EYS: variants seen among roughly 807,000 people sequenced by gnomAD.
The protein encoded by EYS is EGF-like photoreceptor maintenance factor, also known as protein eyes shut homolog.
A neutral mutation model predicts 282.1 loss-of-function variants in EYS; 250 were observed. That is an observed-to-expected ratio of 0.89 (90% CI 0.80 to 0.98). The LOEUF (loss-of-function observed/expected upper bound fraction) is 0.98, where lower values mean the gene tolerates loss of function less well. Among genes scored for constraint, EYS ranks in the 50% least tolerant of loss-of-function variants. The pLI is 0.00. For missense variants in EYS, 4,016 were observed against 3,709.0 expected (o/e 1.08, Z -2.15); for synonymous variants, 1,355 against 1,282.9 (o/e 1.06, Z -1.20).
In EYS at chr6:63,720,599, T is replaced by C. The variant is rs1004373312; in HGVS notation, c.9432A>G (p.Thr3144=). 2.0e-5 allele frequency: 29 copies of C among 1,472,372 alleles called. No individual in the cohort carries two copies. The highest frequency in any genetic ancestry group is 2.5e-5 in the Non-Finnish European group (28 of 1,107,200). 91.2% of individuals were successfully genotyped at this position (1,472,372 alleles called of 1,614,324 possible). A position where few individuals can be genotyped will look rare whatever the true frequency, so the allele number is the denominator to read the frequency against. ...VYDGDEQNEV[T] ...TACTAAAATCTCTAGTGTTAACTTATGTAACCTCATTTTGTTCATCTCCAT... is the reference window on the plus strand; with the variant it reads ...TACTAAAATCTCTAGTGTTAACTTACGTAACCTCATTTTGTTCATCTCCAT... The change falls in exon 43 of 43, where the codon ACA becomes ACG. Residue 3144 remains threonine (T), a synonymous_variant. Transcript: ENST00000503581.
chr6:65,319,204 CAAAAAAA>C (rs55687610), intron 11 of EYS, among the ~76,000 whole-genome samples: 1 of 44,396 alleles, frequency 2.3e-5, no homozygotes, highest in African/African-American at 8.8e-5. Flanking sequence ...ACTAAAAATG[CAAAAAAA>C]AAAAAAAAAA....
At chr6:64,894,397 G>T (rs566618972) in intron 18 of EYS, among the ~76,000 whole-genome samples, 3 of 152,252 alleles carry the variant, frequency 2.0e-5, no homozygotes, top group Non-Finnish European at 4.4e-5. Context: ...TCAGTGGACT[G>T]ATTCACAGAT....
At chr6:65,440,968 AAC>A (rs1001862804) in intron 5 of EYS, among the ~76,000 whole-genome samples, 1 of 145,780 alleles carries the variant, frequency 6.9e-6, no homozygotes, top group Non-Finnish European at 1.5e-5. Flanking sequence ...TATATATTTA[AAC>A]AGTGTATATA....
At chr6:64,263,543 TCTTTC>T (rs1273467934) in intron 30 of EYS, among the ~76,000 whole-genome samples, 2 of 152,130 alleles carry the variant, frequency 1.3e-5, no homozygotes, top group Admixed American at 6.6e-5. Flanking sequence ...GTGCTCTTTC[TCTTTC>T]AAGATGATGT....
At chr6:63,848,596 C>T (rs1772160576) in intron 36 of EYS, among the ~76,000 whole-genome samples, 1 of 151,958 alleles carries the variant, frequency 6.6e-6, no homozygotes, top group African/African-American at 2.4e-5. Flanking sequence ...GAACTCCATC[C>T]CCTAGCCACA....
chr6:65,318,157 G>A (rs1293592906), intron 11 of EYS, among the ~76,000 whole-genome samples: 4 of 139,882 alleles, frequency 2.9e-5, no homozygotes, highest in African/African-American at 1.1e-4. Flanking sequence ...GTGAGCCACC[G>A]CGCCCGGCTG....
At chr6:64,307,383 C>A (rs967500131) in intron 29 of EYS, among the ~76,000 whole-genome samples, 2 of 152,024 alleles carry the variant, frequency 1.3e-5, no homozygotes, top group African/African-American at 4.8e-5. Context: ...AGAAGGAAAT[C>A]CTGCCATTTG....
At chr6:64,403,500 G>A (rs936379997) in intron 28 of EYS, among the ~76,000 whole-genome samples, 4 of 152,008 alleles carry the variant, frequency 2.6e-5, no homozygotes, top group African/African-American at 9.7e-5. Context: ...GGGATTACAG[G>A]CATGTGGCAC....
intron 8 of EYS, among the ~76,000 whole-genome samples, chr6:65,381,639 TTA>T (rs1428113075): frequency 4.6e-5 from 7 of 151,950 alleles, no homozygotes; most frequent in African/African-American, 1.7e-4. Context: ...CAAAATAAAA[TTA>T]AATTTAAAAA....
chr6:64,595,879 AG>A (rs1341321662), intron 24 of EYS, among the ~76,000 whole-genome samples: 1 of 152,196 alleles, frequency 6.6e-6, no homozygotes, highest in African/African-American at 2.4e-5. Context: ...ATTGCTATAA[AG>A]AAATATCTGA....
intron 14 of EYS, among the ~76,000 whole-genome samples, chr6:64,967,459 G>A (rs1213407764): frequency 6.6e-6 from 1 of 151,848 alleles, no homozygotes; most frequent in African/African-American, 2.4e-5. Context: ...CAAGTAACTG[G>A]AATTAGAGCA....
chr6:64,586,557 A>G (rs543476726), intron 26 of EYS, among the ~76,000 whole-genome samples: 5 of 152,080 alleles, frequency 3.3e-5, no homozygotes, highest in Non-Finnish European at 7.4e-5. Flanking sequence ...TGCCAAAAAG[A>G]TTTGAAGATG....
chr6:64,643,052 T>C (rs1375147736), intron 22 of EYS, among the ~76,000 whole-genome samples: 1 of 151,744 alleles, frequency 6.6e-6, no homozygotes, highest in Non-Finnish European at 1.5e-5. Flanking sequence ...GAGGCAGAGA[T>C]TGTGGTGAGC....
chr6:65,389,179 G>T (rs976738481), intron 7 of EYS, among the ~76,000 whole-genome samples: 1 of 152,112 alleles, frequency 6.6e-6, no homozygotes, highest in Non-Finnish European at 1.5e-5. Flanking sequence ...TAACTCATTT[G>T]CCAGCAACAC....
At chr6:64,868,981 ATAAG>A (rs1333932670) in intron 19 of EYS, among the ~76,000 whole-genome samples, 4 of 151,622 alleles carry the variant, frequency 2.6e-5, no homozygotes, top group Non-Finnish European at 5.9e-5. Context: ...ACTTAATTGA[ATAAG>A]TAAGAGCCTT....
intron 1 of EYS, among the ~76,000 whole-genome samples, chr6:65,664,424 C>T (rs1441771335): frequency 2.6e-5 from 4 of 152,064 alleles, no homozygotes; most frequent in African/African-American, 9.7e-5. Flanking sequence ...TCAGACAATG[C>T]ATTTTTACAG....
chr6:64,125,147 ACT>A (rs747610398), intron 31 of EYS, among the ~76,000 whole-genome samples: 2 of 147,154 alleles, frequency 1.4e-5, no homozygotes, highest in Non-Finnish European at 1.5e-5. Flanking sequence ...ACACACACAC[ACT>A]CTCTGTCTCT....
At chr6:64,823,132 C>T (rs548819279) in intron 19 of EYS, among the ~76,000 whole-genome samples, 1 of 151,824 alleles carries the variant, frequency 6.6e-6, no homozygotes, top group African/African-American at 2.4e-5. Context: ...ACTGTGAATA[C>T]TAATTCATAA....
rs371766459 is a variant in EYS at position 65,678,595 on chromosome 6, A to T, written c.-448+28540T>A. Among the ~76,000 whole-genome samples, 5 of 152,106 alleles carry T rather than the reference A, an allele frequency of 3.3e-5. No homozygotes were observed. The East Asian group carries it at 5.8e-4, about 18-fold the overall frequency. On this transcript the variant is annotated intron_variant, in intron 1 of 42. Transcript: ENST00000503581. ...AAAAGCACAGGAAACAAAAGCAAAA[A>T]CAGACAAGTGAGACTGTGTCAAACT...
Sources: gnomAD v4.1 joint callset for allele counts (sites outside exome capture counted in the v4.1 genomes callset) on GRCh38, gnomAD v4.1.1 for gene constraint, MANE v1.5 for transcripts, NCBI Gene and HGNC (gene_info 2026-07-23, HGNC 2026-07-21) for gene names.